The following PTPRA variants were observed in gnomAD, a reference collection of about 807,000 sequenced individuals.
PTPRA encodes receptor-type tyrosine-protein phosphatase alpha.
A neutral mutation model predicts 104.8 loss-of-function variants in PTPRA; 25 were observed. That is an observed-to-expected ratio of 0.24 (90% CI 0.17 to 0.33). The LOEUF (loss-of-function observed/expected upper bound fraction) is 0.33, where lower values mean the gene tolerates loss of function less well. Among genes scored for constraint, PTPRA ranks in the 10% least tolerant of loss-of-function variants. The pLI is 1.00. For missense variants in PTPRA, 765 were observed against 1,015.3 expected, an observed-to-expected ratio of 0.75 and a Z score of 3.35; for synonymous variants, 323 against 368.9, an observed-to-expected ratio of 0.88 and a Z score of 1.43.
chr20:2,988,170 C>G, intron 8 of PTPRA, 65 bp downstream of exon 8: 1 of 1,524,286 alleles, frequency 6.6e-7, no homozygotes, highest in Non-Finnish European at 9.0e-7. Context: ...TTAGGAGTTT[C>G]TCCATCCTTT....
chr20:2,870,065 C>A (rs1385947278), upstream of PTPRA, among the ~76,000 whole-genome samples: 1 of 92,358 alleles, frequency 1.1e-5, no homozygotes, highest in Admixed American at 1.0e-4. Context: ...ATACAAAGTT[C>A]CAGTGAAAGA....
chr20:2,914,826 G>A (rs902536231), intron 1 of PTPRA, among the ~76,000 whole-genome samples: 3 of 152,190 alleles, frequency 2.0e-5, no homozygotes, highest in Admixed American at 6.6e-5. Context: ...ATCTGTACTC[G>A]TAGCACTTTT....
rs113156845 is a variant in PTPRA, at chr20:3,035,958, C to T, written c.2198+17C>T. ...GCACTGCAGGTATGGCTCACCCTTG[C>T]CCTCAGCGGGAGAGAGAAAGCGAGG... On this transcript the variant is annotated intron_variant, in intron 22 of 23. Coordinates refer to ENST00000399903, the MANE Select transcript of PTPRA (RefSeq NM_001385305.1). This position sits in a 1 kb window ranked among gnomAD's most constrained non-coding sequence, Gnocchi z 5.8. 1,872 of 1,613,034 alleles carry T rather than the reference C, an allele frequency of 1.2e-3. 15 individuals carry two copies. In the African/African-American group the frequency reaches 0.022, roughly 19 times the overall value.
chr20:2,996,295 G>C (rs1002875622), intron 9 of PTPRA, among the ~76,000 whole-genome samples: 1 of 152,228 alleles, frequency 6.6e-6, no homozygotes, highest in African/African-American at 2.4e-5. Flanking sequence ...CTTCTTCCTA[G>C]TTTTCAAAAT....
chr20:3,019,317 C>T (rs1220404664), intron 13 of PTPRA, among the ~76,000 whole-genome samples: 6 of 149,630 alleles, frequency 4.0e-5, no homozygotes, highest in Non-Finnish European at 6.0e-5. Context: ...ACTTCCCAGA[C>T]GGGGTGGCTG....
chr20:2,881,519 G>T (rs1264315386), intron 1 of PTPRA, among the ~76,000 whole-genome samples: 1 of 151,974 alleles, frequency 6.6e-6, no homozygotes, highest in Non-Finnish European at 1.5e-5. Context: ...TATTTTGAGG[G>T]TTTTTTGCTT....
rs1461810677 is a variant in PTPRA, at chr20:2,973,959, T to TC, written c.416-1256_416-1255insC. 2.0e-5 allele frequency among the ~76,000 whole-genome samples: 3 copies of TC among 151,204 alleles called. No homozygotes were observed. The East Asian group carries it at 5.8e-4, about 29-fold the overall frequency. The stretch of plus-strand genomic sequence containing the variant: ...GGGTTTTTTGTTTGTCTGATTTTTT[T>TC]TTTTTTTTTTGAGATGGAGTCTCGC... On this transcript the variant is annotated intron_variant, in intron 5 of 23. Transcript: ENST00000399903.
chr20:3,020,252 C>G (rs1161589012), intron 13 of PTPRA, among the ~76,000 whole-genome samples: 1 of 152,126 alleles, frequency 6.6e-6, no homozygotes, highest in African/African-American at 2.4e-5. Flanking sequence ...CCCGCCACCA[C>G]GCCCAGCTAA....
At chr20:3,010,424 C>T (rs948775029) in intron 11 of PTPRA, among the ~76,000 whole-genome samples, 6 of 151,584 alleles carry the variant, frequency 4.0e-5, no homozygotes, top group African/African-American at 7.3e-5. Flanking sequence ...GTCAGGAGAT[C>T]GAGACCATCC....
intron 1 of PTPRA, among the ~76,000 whole-genome samples, chr20:2,905,393 T>C (rs2059387850): frequency 6.6e-6 from 1 of 152,234 alleles, no homozygotes. Flanking sequence ...GGTTGGCTGC[T>C]CTCTAGCACA....
intron 1 of PTPRA, among the ~76,000 whole-genome samples, chr20:2,905,224 T>C (rs369004228): frequency 6.6e-6 from 1 of 152,148 alleles, no homozygotes; most frequent in African/African-American, 2.4e-5. Flanking sequence ...CTCCATTTCA[T>C]AGAAAAATTG....
At chr20:3,008,262 C>T (rs1307434059) in intron 11 of PTPRA, among the ~76,000 whole-genome samples, 1 of 152,188 alleles carries the variant, frequency 6.6e-6, no homozygotes, top group African/African-American at 2.4e-5. Context: ...GTGGTACATG[C>T]ATACAGTGGA....
chr20:2,997,946 C>G (rs541731861), intron 9 of PTPRA, among the ~76,000 whole-genome samples: 1 of 152,280 alleles, frequency 6.6e-6, no homozygotes, highest in African/African-American at 2.4e-5. Context: ...GGCAATGTAG[C>G]AAGACCTTAT....
intron 9 of PTPRA, among the ~76,000 whole-genome samples, chr20:2,998,023 G>A (rs1200097014): frequency 6.6e-6 from 1 of 152,048 alleles, no homozygotes; most frequent in Non-Finnish European, 1.5e-5. Flanking sequence ...TAGCTACTCA[G>A]GGGGCTGAGG....
chr20:2,923,335 G>A (rs752078644), intron 2 of PTPRA, 50 bp downstream of exon 2: 99 of 1,227,504 alleles, frequency 8.1e-5, no homozygotes, highest in Non-Finnish European at 1.1e-4. Context: ...CAGCCAAGTA[G>A]TGTCCTTAAA....
At chr20:2,865,118 C>T in the PTPRA span, 1 of 1,614,132 alleles carries the variant, frequency 6.2e-7, no homozygotes, top group East Asian at 2.2e-5. The surrounding 1 kb of genome is among the most constrained non-coding windows in gnomAD (Gnocchi z 5.2). Flanking sequence ...GTCCCTCATC[C>T]CCATCATGCC....
At chr20:3,011,800 G>C (rs911143) in intron 11 of PTPRA, among the ~76,000 whole-genome samples, 4 of 151,918 alleles carry the variant, frequency 2.6e-5, no homozygotes, top group African/African-American at 9.7e-5. Context: ...ACAAAACCTG[G>C]GGAAGAGCCA....
chr20:2,910,581 T>G (rs1426121923), intron 1 of PTPRA, among the ~76,000 whole-genome samples: 3 of 75,374 alleles, frequency 4.0e-5, no homozygotes, highest in Admixed American at 1.8e-4. Flanking sequence ...CCAGCTAGTT[T>G]TTTTTTTGTT....
At chr20:3,027,338 C>G in intron 19 of PTPRA, 141 bp downstream of exon 19, 2 of 871,514 alleles carry the variant, frequency 2.3e-6, no homozygotes, top group South Asian at 3.1e-5. Flanking sequence ...CACCCACCCA[C>G]TCACCCTGTG....
Sources: gnomAD v4.1 joint callset for allele counts (sites outside exome capture counted in the v4.1 genomes callset) on GRCh38, gnomAD v4.1.1 for gene constraint, Gnocchi (gnomAD v3.1) non-coding constraint, MANE v1.5 for transcripts, NCBI Gene and HGNC (gene_info 2026-07-23, HGNC 2026-07-21) for gene names.